Variants in CDYL2 observed in about 807,000 individuals in gnomAD.
CDYL2 encodes the protein chromodomain Y like 2.
CDYL2 carries 23 observed loss-of-function variants against 49.4 expected under a neutral mutation model. The observed-to-expected ratio is 0.47, with a 90% CI of 0.34 to 0.66. CDYL2 has a LOEUF of 0.66. Among genes scored for constraint, CDYL2 ranks in the 30% least tolerant of loss-of-function variants. CDYL2 has a pLI of 0.01. For missense variants in CDYL2, 678 were observed against 656.4 expected (o/e 1.03, Z -0.36); for synonymous variants, 360 against 268.8 (o/e 1.34, Z -3.32).
chr16:80,628,392 A>C (rs1469929009), intron 3 of CDYL2: 1 of 152,226 alleles, frequency 6.6e-6, no homozygotes, highest in African/African-American at 2.4e-5. Context: ...TCTTGCTCTG[A>C]GGGAATAAAG....
intron 1 of CDYL2, among the ~76,000 whole-genome samples, chr16:80,776,053 C>T (rs1357427772): frequency 1.3e-5 from 2 of 151,806 alleles, no homozygotes; most frequent in African/African-American, 4.8e-5. Flanking sequence ...AACAAAAAAA[C>T]AAACAATAAT....
chr16:80,689,234 A>T (rs1340094480), intron 1 of CDYL2, among the ~76,000 whole-genome samples: 1 of 151,994 alleles, frequency 6.6e-6, no homozygotes. Flanking sequence ...CTAATGTGAG[A>T]CTCTGCTCTA....
chr16:80,778,124 A>G (rs575957678), intron 1 of CDYL2, among the ~76,000 whole-genome samples: 1 of 152,166 alleles, frequency 6.6e-6, no homozygotes, highest in East Asian at 1.9e-4. Context: ...ATTCTTTGTC[A>G]AGAAGAAAAA....
intron 1 of CDYL2, among the ~76,000 whole-genome samples, chr16:80,792,561 T>G (rs939610375): frequency 2.6e-5 from 4 of 152,034 alleles, no homozygotes; most frequent in African/African-American, 9.7e-5. Flanking sequence ...ACAAGTGATG[T>G]TTTCAAGGGA....
intron 1 of CDYL2, among the ~76,000 whole-genome samples, chr16:80,740,394 A>G (rs1446592013): frequency 6.6e-6 from 1 of 152,190 alleles, no homozygotes; most frequent in African/African-American, 2.4e-5. Context: ...ACCATTTAAA[A>G]GGCCTAATTC....
rs571363904 is a variant in CDYL2, at chr16:80,620,804, G to A, written c.966C>T (p.Ser322=). ...TCCGAGTGCTCTCCTTTCGCCGGTC[G>A]CTGGACAACCGGCCAATTAGGTAGG... is the stretch of plus-strand genomic sequence containing the variant. The part of the protein sequence containing the change: ...DYSYLIGRLS[S]DRRKESTRIA... Residue 322 remains serine (S), a synonymous_variant, in exon 4 of 7, where the codon AGC becomes AGT. Coordinates refer to ENST00000570137, the MANE Select transcript of CDYL2 (RefSeq NM_152342.4). 66 of 1,610,288 alleles carry A rather than the reference G, an allele frequency of 4.1e-5. 2 individuals carry two copies. The highest frequency in any genetic ancestry group is 2.1e-4 in the African/African-American group (16 of 74,942).
chr16:80,626,734 G>C (rs1907321505), intron 3 of CDYL2, among the ~76,000 whole-genome samples: 1 of 152,174 alleles, frequency 6.6e-6, no homozygotes, highest in Non-Finnish European at 1.5e-5. Flanking sequence ...AGACTCCACA[G>C]GCATCATCAC....
rs1373044031 is a variant in CDYL2 at position 80,616,161 on chromosome 16, A to T, written c.1008-3325T>A. ...TCTGAAAGACTCAGAGTGAAGTCTC[A>T]GTTCTGCCCCTAACTAATGGTGAGA... On this transcript the variant is annotated intron_variant, in intron 4 of 6. Transcript: ENST00000570137. Among the ~76,000 whole-genome samples the T allele has an allele frequency of 2.0e-5, 3 of 152,222 alleles. No homozygotes were observed. The East Asian group carries it at 5.8e-4, about 29-fold the overall frequency.
chr16:80,672,600 G>GAAAGGAAAGGAAAGGAAAGGAAAGGT (rs1909573399), intron 2 of CDYL2, among the ~76,000 whole-genome samples: 1 of 150,730 alleles, frequency 6.6e-6, no homozygotes, highest in Admixed American at 6.7e-5. Flanking sequence ...GAAAGGAAAG[G>GAAAGGAAAGGAAAGGAAAGGAAAGGT]AAAGGAAAGG....
chr16:80,670,677 G>A (rs1172849584), intron 2 of CDYL2, among the ~76,000 whole-genome samples: 2 of 152,086 alleles, frequency 1.3e-5, no homozygotes, highest in African/African-American at 2.4e-5. Context: ...TTAATGACAC[G>A]AGGTGCGCAA....
intron 1 of CDYL2, among the ~76,000 whole-genome samples, chr16:80,739,425 T>G (rs1905655135): frequency 6.6e-6 from 1 of 152,212 alleles, no homozygotes; most frequent in Non-Finnish European, 1.5e-5. Flanking sequence ...ATATGTATTT[T>G]ATCACAATCT....
chr16:80,748,506 TAAAAAAAA>T (rs538432449), intron 1 of CDYL2, among the ~76,000 whole-genome samples: 5 of 19,138 alleles, frequency 2.6e-4, no homozygotes, highest in African/African-American at 6.3e-4. Flanking sequence ...AAAACTCCAT[TAAAAAAAA>T]AAAAAAAAAA....
intron 3 of CDYL2, among the ~76,000 whole-genome samples, chr16:80,621,583 A>G (rs997003107): frequency 6.6e-6 from 1 of 152,242 alleles, no homozygotes. Flanking sequence ...CCCACTCTCA[A>G]GGCCTCCAGT....
intron 1 of CDYL2, among the ~76,000 whole-genome samples, chr16:80,747,926 C>T (rs1397987477): frequency 6.6e-6 from 1 of 151,942 alleles, no homozygotes; most frequent in Admixed American, 6.6e-5. Flanking sequence ...CAAAACCTTT[C>T]CTGAATTCTC....
Position 80,703,504 on chromosome 16 carries a change from G to A in CDYL2, c.25-18375C>T, listed in dbSNP as rs557736890. 2.0e-5 allele frequency among the ~76,000 whole-genome samples: 3 copies of A among 152,244 alleles called. No individual in the cohort carries two copies. The East Asian group carries it at 5.8e-4, about 29-fold the overall frequency. ...CCTGGACTTTCTCTAATGTGCACTAGACCAAAGCTGGTGCCCATGAGTCAA... is the reference window on the plus strand; with the variant it reads ...CCTGGACTTTCTCTAATGTGCACTAAACCAAAGCTGGTGCCCATGAGTCAA... On this transcript the variant is annotated intron_variant, in intron 1 of 6. Transcript: ENST00000570137.
chr16:80,773,884 C>G (rs998338620), intron 1 of CDYL2, among the ~76,000 whole-genome samples: 5 of 151,674 alleles, frequency 3.3e-5, no homozygotes, highest in African/African-American at 1.2e-4. Context: ...AAAACAAGCA[C>G]AGAAAAAGTA....
At chr16:80,801,604 C>T (rs996637378) in intron 1 of CDYL2, among the ~76,000 whole-genome samples, 1 of 152,084 alleles carries the variant, frequency 6.6e-6, no homozygotes, top group African/African-American at 2.4e-5. Context: ...GTAGAGATTG[C>T]GAGAAGCCAT....
chr16:80,680,573 A>T (rs1424082312), intron 2 of CDYL2, among the ~76,000 whole-genome samples: 1 of 152,208 alleles, frequency 6.6e-6, no homozygotes, highest in Non-Finnish European at 1.5e-5. Flanking sequence ...CAAACCCACC[A>T]GCTTTTCTGT....
chr16:80,702,917 C>A (rs1385291193), intron 1 of CDYL2, among the ~76,000 whole-genome samples: 1 of 152,152 alleles, frequency 6.6e-6, no homozygotes, highest in Non-Finnish European at 1.5e-5. Flanking sequence ...ACAGAGCTCA[C>A]CCACAGAAGC....
Sources: allele counts gnomAD v4.1 joint callset (sites outside exome capture counted in the v4.1 genomes callset), GRCh38; gene constraint gnomAD v4.1.1; transcripts MANE v1.5; gene names NCBI Gene and HGNC (gene_info 2026-07-23, HGNC 2026-07-21).